The following BRDT variants were observed in gnomAD, a reference collection of about 807,000 sequenced individuals.
The protein encoded by BRDT is bromodomain testis associated, also known as bromodomain testis-specific protein.
In BRDT, 77 loss-of-function variants were observed where a neutral mutation model predicts 113.9. The ratio of observed to expected loss-of-function variants is 0.68; its 90% CI spans 0.56 to 0.82. The LOEUF (loss-of-function observed/expected upper bound fraction) is 0.82, where lower values mean the gene tolerates loss of function less well. Among genes scored for constraint, BRDT ranks in the 40% least tolerant of loss-of-function variants. The pLI, the probability that BRDT is intolerant of heterozygous loss-of-function variation, is 0.00. For missense variants in BRDT, 1,027 were observed against 1,105.4 expected, an observed-to-expected ratio of 0.93 and a Z score of 1.01; for synonymous variants, 358 against 366.5, an observed-to-expected ratio of 0.98 and a Z score of 0.26.
intron 17 of BRDT, 110 bp downstream of exon 17, chr1:92,004,729 CAG>C (rs933875317): frequency 1.2e-5 from 12 of 976,500 alleles, no homozygotes; most frequent in East Asian, 5.6e-5. Context: ...TAGTAGAACA[CAG>C]AGCAAATTGT....
chr1:91,975,063 T>C lies in BRDT; in HGVS notation c.446-1203T>C, dbSNP rs903358312. Among the ~76,000 whole-genome samples the C allele has an allele frequency of 2.6e-5, 4 of 151,932 alleles. No individual in the cohort carries two copies. The South Asian group carries it at 8.3e-4, about 32-fold the overall frequency. On this transcript the variant is annotated intron_variant, in intron 4 of 18. Transcript: ENST00000399546. Reference sequence around the variant, plus strand: ...TCCAAACACCGTATGTTCTCACTCATAGGTGGGAATTGAACAATGAGAGCA... The same window carrying C: ...TCCAAACACCGTATGTTCTCACTCACAGGTGGGAATTGAACAATGAGAGCA...
chr1:91,998,444 G>A (rs1025755467), intron 15 of BRDT, among the ~76,000 whole-genome samples: 1 of 152,048 alleles, frequency 6.6e-6, no homozygotes, highest in African/African-American at 2.4e-5. Flanking sequence ...ACTATGGCAC[G>A]TGTAACAAAC....
chr1:91,956,013 A>G (rs1215855216), intron 1 of BRDT, among the ~76,000 whole-genome samples: 4 of 152,198 alleles, frequency 2.6e-5, no homozygotes, highest in African/African-American at 7.2e-5. Context: ...AATTGTCAAC[A>G]TTTTGCCATA....
At chr1:92,001,412 C>T (rs1430898810) in intron 15 of BRDT, among the ~76,000 whole-genome samples, 1 of 152,042 alleles carries the variant, frequency 6.6e-6, no homozygotes, top group Non-Finnish European at 1.5e-5. Context: ...ATTTACAGGC[C>T]TGGCCAGCCA....
chr1:91,964,614 T>A lies in BRDT; in HGVS notation c.193-13T>A, dbSNP rs1325477722. 10 of 1,346,004 alleles carry A rather than the reference T, an allele frequency of 7.4e-6. No individual in the cohort carries two copies. The East Asian group carries it at 2.4e-4, about 32-fold the overall frequency. 83.4% of individuals were successfully genotyped at this position (1,346,004 alleles called of 1,614,324 possible). A position where few individuals can be genotyped will look rare whatever the true frequency, so the allele number is the denominator to read the frequency against. On this transcript the variant is annotated splice_polypyrimidine_tract_variant and intron_variant, in intron 2 of 18. Coordinates refer to ENST00000399546, the MANE Select transcript of BRDT (RefSeq NM_207189.4). ...CATTCTTACTAACATTTAGAATTTG[T>A]TCAAAACCATAGGATTATTATACCA...
chr1:92,007,977 G>A (rs1490314159), intron 18 of BRDT, among the ~76,000 whole-genome samples: 3 of 151,954 alleles, frequency 2.0e-5, no homozygotes, highest in Non-Finnish European at 4.4e-5. Flanking sequence ...GAATGCAATG[G>A]TGCAATCTCA....
At chr1:91,983,834 A>G (rs1684948407) in intron 12 of BRDT, among the ~76,000 whole-genome samples, 1 of 151,992 alleles carries the variant, frequency 6.6e-6, no homozygotes, top group Admixed American at 6.6e-5. Flanking sequence ...AGTGGATGCC[A>G]CCACACCCAG....
intron 8 of BRDT, among the ~76,000 whole-genome samples, chr1:91,980,149 G>A (rs569252698): frequency 6.6e-6 from 1 of 152,310 alleles, no homozygotes; most frequent in Non-Finnish European, 1.5e-5. Context: ...GCTCACGCCT[G>A]TAACCCCAAC....
At chr1:92,008,064 C>T (rs1275247510) in intron 18 of BRDT, among the ~76,000 whole-genome samples, 2 of 152,038 alleles carry the variant, frequency 1.3e-5, no homozygotes, top group African/African-American at 4.8e-5. Context: ...ATTCCAGGCA[C>T]CCACCACCAC....
chr1:91,959,046 CAAAA>C (rs548764585), intron 1 of BRDT, among the ~76,000 whole-genome samples: 2 of 150,776 alleles, frequency 1.3e-5, no homozygotes, highest in African/African-American at 2.4e-5. Flanking sequence ...GACCCTGACT[CAAAA>C]AAAAGTAGAA....
At chr1:92,004,254 T>A (rs1377001620) in intron 16 of BRDT, among the ~76,000 whole-genome samples, 160 bp from the exon 17 acceptor site, 1 of 152,184 alleles carries the variant, frequency 6.6e-6, no homozygotes, top group African/African-American at 2.4e-5. Flanking sequence ...TTTCTAACTT[T>A]AGTAACCTTT....
At chr1:91,955,948 A>AT (rs1323654567) in intron 1 of BRDT, among the ~76,000 whole-genome samples, 1 of 152,236 alleles carries the variant, frequency 6.6e-6, no homozygotes, top group Non-Finnish European at 1.5e-5. Context: ...TAAGGCTGTT[A>AT]TTAAAATTTT....
At chr1:92,007,588 A>AT (rs1205219253) in intron 18 of BRDT, among the ~76,000 whole-genome samples, 2 of 152,232 alleles carry the variant, frequency 1.3e-5, no homozygotes, top group East Asian at 1.9e-4. Context: ...TCTACAGAGC[A>AT]TTTTTTTAGT....
chr1:91,973,633 C>A lies in BRDT; in HGVS notation c.446-2633C>A, dbSNP rs531463092. Among the ~76,000 whole-genome samples the A allele has an allele frequency of 2.6e-3, 395 of 152,266 alleles. 2 individuals are homozygous for A. Among genetic ancestry groups the A allele is most frequent in the African/African-American group, 9.0e-3 (373 of 41,546 alleles). On this transcript the variant is annotated intron_variant, in intron 4 of 18. Coordinates refer to ENST00000399546, the MANE Select transcript of BRDT (RefSeq NM_207189.4). ...TGATTTTCACACATTGATTTTGTAT[C>A]CTGAGACTTTGCTGAAGTTGCTAAT...
At position 91,999,610 on chromosome 1, in the gene BRDT, T is replaced by C. The variant is rs111556896; in HGVS notation, c.2288-2439T>C. ...TGAATGAATGTCCCCTCAGCTCTTA[T>C]AGCAATGAGCTGGGAGCAGCCTTTC... On this transcript the variant is annotated intron_variant, in intron 15 of 18. Transcript: ENST00000399546. Among the ~76,000 whole-genome samples the C allele has an allele frequency of 9.2e-3, 1,400 of 152,300 alleles. 19 individuals carry two copies. Among genetic ancestry groups the C allele is most frequent in the African/African-American group, 0.023 (961 of 41,576 alleles).
In BRDT at chr1:91,953,689, C is replaced by T. The variant is rs118005777; in HGVS notation, c.-38+4007C>T. Among the ~76,000 whole-genome samples, 97 of 152,144 alleles carry T rather than the reference C, an allele frequency of 6.4e-4. 2 individuals are homozygous for T. The East Asian group carries it at 0.018, about 28-fold the overall frequency. On this transcript the variant is annotated intron_variant, in intron 1 of 18. Coordinates refer to ENST00000399546, the MANE Select transcript of BRDT (RefSeq NM_207189.4). ...CAAGAAAAAGATTCTTTTCAGAGTT[C>T]CCAAGGTTATTTTGAGAGTTATTGA...
intron 1 of BRDT, among the ~76,000 whole-genome samples, chr1:91,951,525 G>A (rs533457052): frequency 3.3e-5 from 5 of 152,142 alleles, no homozygotes; most frequent in Non-Finnish European, 5.9e-5. Context: ...GGCTGGGCGC[G>A]GTGGCTCACG....
chr1:91,991,337 AT>A, intron 13 of BRDT, 92 bp downstream of exon 13: 1 of 605,110 alleles, frequency 1.7e-6, no homozygotes, highest in Non-Finnish European at 2.6e-6. Flanking sequence ...TTTCAATTTT[AT>A]TTACACGAAG....
chr1:91,996,524 G>A (rs1467930481), intron 15 of BRDT, among the ~76,000 whole-genome samples: 1 of 152,210 alleles, frequency 6.6e-6, no homozygotes. Context: ...TGGGATTACA[G>A]GCGTGAGCCA....
Sources: gnomAD v4.1 joint callset for allele counts (sites outside exome capture counted in the v4.1 genomes callset) on GRCh38, gnomAD v4.1.1 for gene constraint, MANE v1.5 for transcripts, NCBI Gene and HGNC (gene_info 2026-07-23, HGNC 2026-07-21) for gene names.